The following RP2 variants were observed in gnomAD, a reference collection of about 807,000 sequenced individuals.
RP2 encodes the protein protein XRP2.
A neutral mutation model predicts 20.3 loss-of-function variants in RP2; 3 were observed. The observed-to-expected ratio is 0.15, with a 90% CI of 0.07 to 0.38. The LOEUF (loss-of-function observed/expected upper bound fraction) is 0.38, where lower values mean the gene tolerates loss of function less well. RP2 is among the 10% of genes least tolerant of loss of function. RP2 has a pLI of 1.00. For synonymous variants in RP2, 75 were observed against 94.8 expected, an observed-to-expected ratio of 0.79 and a Z score of 1.22; for missense variants, 233 against 268.5, an observed-to-expected ratio of 0.87 and a Z score of 0.92.
chrX:46,849,425 C>T (rs1556317779), intron 1 of RP2, among the ~76,000 whole-genome samples: 1 of 110,608 alleles, frequency 9.0e-6, no homozygotes, highest in Non-Finnish European at 1.9e-5. Flanking sequence ...TTTTAAAAAA[C>T]TTTTTTAGAG....
At chrX:46,844,409 A>G (rs191558407) in intron 1 of RP2, among the ~76,000 whole-genome samples, 4,885 of 101,434 alleles carry the variant, frequency 0.048, 292 homozygotes, top group African/African-American at 0.17. Flanking sequence ...ATTCCCACCT[A>G]TGAGTGAGAA....
chrX:46,873,996 T>C (rs1306344975), intron 3 of RP2, among the ~76,000 whole-genome samples: 1 of 108,407 alleles, frequency 9.2e-6, no homozygotes, highest in African/African-American at 3.4e-5. Flanking sequence ...CCACCCCTCA[T>C]ATTTCCTCTA....
intron 1 of RP2, among the ~76,000 whole-genome samples, chrX:46,845,836 G>A (rs983682563): frequency 7.2e-5 from 8 of 110,352 alleles, no homozygotes; most frequent in East Asian, 2.8e-4. Flanking sequence ...CAATCTTGGC[G>A]CACTGCAGCC....
intron 2 of RP2, among the ~76,000 whole-genome samples, chrX:46,859,355 C>T (rs1211211001): frequency 2.8e-5 from 3 of 108,899 alleles, no homozygotes; most frequent in African/African-American, 6.7e-5. Flanking sequence ...CATGGTGGCA[C>T]GAGCTTGTAG....
At chrX:46,868,398 G>C (rs1556323628) in intron 3 of RP2, among the ~76,000 whole-genome samples, 1 of 110,094 alleles carries the variant, frequency 9.1e-6, no homozygotes, top group Non-Finnish European at 1.9e-5. Flanking sequence ...ATGGTGTCAT[G>C]CGCCTGTAGC....
chrX:46,854,800 C>T (rs1924927299), intron 2 of RP2, among the ~76,000 whole-genome samples: 1 of 109,577 alleles, frequency 9.1e-6, no homozygotes, highest in Admixed American at 9.8e-5. Flanking sequence ...GGGTCTTGCT[C>T]TGTCACCCAG....
At chrX:46,865,797 G>A (rs1307086378) in intron 3 of RP2, among the ~76,000 whole-genome samples, 1 of 110,344 alleles carries the variant, frequency 9.1e-6, no homozygotes, top group Non-Finnish European at 1.9e-5. Flanking sequence ...ATGTGGTGGC[G>A]CATGCCTGTA....
chrX:46,878,240 A>G (rs868982322), intron 4 of RP2, among the ~76,000 whole-genome samples: 36 of 108,795 alleles, frequency 3.3e-4, no homozygotes, highest in South Asian at 1.2e-3. Flanking sequence ...AGCCGGGCGT[A>G]GTGGCGGGCG....
intron 4 of RP2, among the ~76,000 whole-genome samples, chrX:46,878,246 G>A (rs1230049572): frequency 3.7e-5 from 4 of 108,577 alleles, no homozygotes; most frequent in African/African-American, 6.7e-5. Flanking sequence ...GCGTAGTGGC[G>A]GGCGCCTGTA....
intron 3 of RP2, among the ~76,000 whole-genome samples, chrX:46,862,368 C>CA (rs1438793330): frequency 3.1e-4 from 31 of 100,096 alleles, no homozygotes; most frequent in African/African-American, 1.0e-3. Context: ...GACTCTGTCT[C>CA]AAAAAAAAAT....
chrX:46,870,671 A>T (rs1478513597), intron 3 of RP2, among the ~76,000 whole-genome samples: 1 of 112,321 alleles, frequency 8.9e-6, no homozygotes, highest in African/African-American at 3.2e-5. Context: ...AAACAGGCAG[A>T]GTATCACCTT....
intron 4 of RP2, 117 bp from the exon 5 acceptor site, chrX:46,879,569 T>A (rs1486090826): frequency 6.5e-6 from 3 of 458,291 alleles, no homozygotes; most frequent in Non-Finnish European, 1.1e-5. Context: ...TTATAAATGA[T>A]GTACTTGAAC....
At chrX:46,870,646 A>G (rs938186840) in intron 3 of RP2, among the ~76,000 whole-genome samples, 1 of 112,139 alleles carries the variant, frequency 8.9e-6, no homozygotes, top group Non-Finnish European at 1.9e-5. Flanking sequence ...ACACTTTCTT[A>G]TACTACAATA....
intron 3 of RP2, among the ~76,000 whole-genome samples, chrX:46,871,781 A>G (rs1925295947): frequency 8.9e-6 from 1 of 112,155 alleles, no homozygotes; most frequent in Non-Finnish European, 1.9e-5. Context: ...TAAATCAATG[A>G]GAGAGGAGTG....
chrX:46,860,175 A>G (rs1925038754), intron 3 of RP2, 73 bp downstream of exon 3: 8 of 732,072 alleles, frequency 1.1e-5, no homozygotes, highest in Non-Finnish European at 1.7e-5. Flanking sequence ...TTTTGCCTTT[A>G]ACATTTGTTT....
At position 46,860,064 on chromosome X, in the gene RP2, G is replaced by A. The variant is rs1556319897; in HGVS notation, c.845G>A (p.Arg282Gln). Residue 282 changes from arginine (R) to glutamine (Q), a missense_variant, in exon 3 of 5, where the codon CGG becomes CAG. Arg to Gln is a conservative substitution (Grantham distance 43). Transcript: ENST00000218340. The part of the protein sequence containing the change: ...MKAEDAQRVF[R>Q]EKAPDFLPLL... Reference sequence around the variant, plus strand: ...GCTGAGGATGCTCAAAGGGTTTTTCGGGAAAAAGCACCTGACTTCCTTCCT... The same window carrying A: ...GCTGAGGATGCTCAAAGGGTTTTTCAGGAAAAAGCACCTGACTTCCTTCCT... 2 of 1,208,063 alleles carry A rather than the reference G, an allele frequency of 1.7e-6. No homozygotes were observed. Among genetic ancestry groups the A allele is most frequent in the Non-Finnish European group, 1.1e-6 (1 of 892,329 alleles).
intron 1 of RP2, among the ~76,000 whole-genome samples, chrX:46,851,088 A>G (rs1924851962): frequency 8.9e-6 from 1 of 111,912 alleles, no homozygotes; most frequent in African/African-American, 3.2e-5. Flanking sequence ...TACTAAGTCA[A>G]TTTAAGCTCA....
chrX:46,855,864 T>G (rs1556319135), intron 2 of RP2, among the ~76,000 whole-genome samples: 1 of 111,467 alleles, frequency 9.0e-6, no homozygotes, highest in African/African-American at 3.3e-5. Context: ...AATGAATACC[T>G]CTCAATAGCT....
intron 3 of RP2, among the ~76,000 whole-genome samples, chrX:46,874,062 CTA>C (rs1189565118): frequency 9.0e-6 from 1 of 111,670 alleles, no homozygotes; most frequent in Non-Finnish European, 1.9e-5. Context: ...AGTTGCAAAT[CTA>C]TGTCAAGCAT....
Sources: allele counts gnomAD v4.1 joint callset (sites outside exome capture counted in the v4.1 genomes callset), GRCh38; gene constraint gnomAD v4.1.1; transcripts MANE v1.5; gene names NCBI Gene and HGNC (gene_info 2026-07-23, HGNC 2026-07-21).